Variants in ZSWIM6 observed in about 807,000 individuals in gnomAD.
The protein encoded by ZSWIM6 is zinc finger SWIM domain-containing protein 6.
ZSWIM6 carries 9 observed loss-of-function variants against 113.2 expected under a neutral mutation model. The ratio of observed to expected loss-of-function variants is 0.08; its 90% CI spans 0.05 to 0.14. ZSWIM6 has a LOEUF of 0.14. Among genes scored for constraint, ZSWIM6 ranks in the 10% least tolerant of loss-of-function variants. The pLI is 1.00. For missense variants in ZSWIM6, 1,162 were observed against 1,552.2 expected (o/e 0.75, Z 4.22); for synonymous variants, 611 against 606.5 (o/e 1.01, Z -0.11).
chr5:61,336,166 AG>A (rs1744389527), intron 1 of ZSWIM6, among the ~76,000 whole-genome samples: 1 of 152,128 alleles, frequency 6.6e-6, no homozygotes, highest in Non-Finnish European at 1.5e-5. Flanking sequence ...TGGGAGGCTG[AG>A]GTGGAAGGAT....
chr5:61,364,660 G>A (rs1174900161), intron 1 of ZSWIM6, among the ~76,000 whole-genome samples: 1 of 152,146 alleles, frequency 6.6e-6, no homozygotes, highest in Admixed American at 6.6e-5. Flanking sequence ...CCAAGATCAA[G>A]GTGCTGGCAA....
chr5:61,370,581 T>G (rs1267622199), intron 1 of ZSWIM6, among the ~76,000 whole-genome samples: 1 of 152,240 alleles, frequency 6.6e-6, no homozygotes, highest in African/African-American at 2.4e-5. Flanking sequence ...TGTTTCCAAG[T>G]TTTCATTTTA....
chr5:61,412,998 CTTT>C (rs1309615480), intron 1 of ZSWIM6, among the ~76,000 whole-genome samples: 9 of 148,630 alleles, frequency 6.1e-5, no homozygotes, highest in African/African-American at 2.2e-4. Context: ...TGTTTATTTT[CTTT>C]TTTTTTCCTT....
intron 1 of ZSWIM6, among the ~76,000 whole-genome samples, chr5:61,362,846 G>A (rs181793216): frequency 2.0e-5 from 3 of 152,302 alleles, no homozygotes; most frequent in Middle Eastern, 3.4e-3. Context: ...TGCTACCCCT[G>A]TAAAGTAAGA....
chr5:61,393,117 G>T (rs1372190318), intron 1 of ZSWIM6, among the ~76,000 whole-genome samples: 2 of 151,826 alleles, frequency 1.3e-5, no homozygotes, highest in Admixed American at 6.6e-5. Context: ...TTGGCTCACT[G>T]CAACCTCCGC....
chr5:61,414,175 G>A (rs932459487), intron 1 of ZSWIM6, among the ~76,000 whole-genome samples: 23 of 152,124 alleles, frequency 1.5e-4, no homozygotes, highest in African/African-American at 4.8e-4. Flanking sequence ...AAGAGTGGAA[G>A]CAAGGTGTTC....
intron 1 of ZSWIM6, among the ~76,000 whole-genome samples, chr5:61,429,429 A>G (rs1746533401): frequency 6.6e-6 from 1 of 152,140 alleles, no homozygotes; most frequent in African/African-American, 2.4e-5. Context: ...ATAAAGAGAA[A>G]ATTTAGGGGA....
intron 8 of ZSWIM6, among the ~76,000 whole-genome samples, chr5:61,530,692 T>G: frequency 6.6e-6 from 1 of 152,366 alleles, no homozygotes; most frequent in East Asian, 1.9e-4. Flanking sequence ...GAGATTTCAC[T>G]TTGGCCCATT....
intron 1 of ZSWIM6, chr5:61,375,913 A>G (rs1456899606): frequency 3.6e-5 from 26 of 728,918 alleles, no homozygotes; most frequent in Non-Finnish European, 5.2e-5. Context: ...GGAAATTTCA[A>G]CTGTGAAAAC....
intron 1 of ZSWIM6, among the ~76,000 whole-genome samples, chr5:61,338,443 C>A (rs1744452538): frequency 6.6e-6 from 1 of 152,120 alleles, no homozygotes; most frequent in Admixed American, 6.5e-5. Context: ...ATACACAATA[C>A]ATTTTGAAAC....
At chr5:61,501,514 G>A (rs1748466678) in intron 4 of ZSWIM6, among the ~76,000 whole-genome samples, 1 of 152,176 alleles carries the variant, frequency 6.6e-6, no homozygotes, top group Non-Finnish European at 1.5e-5. Context: ...CAGGTCATTT[G>A]ATCCTATTGT....
chr5:61,445,185 T>G (rs541945733), intron 1 of ZSWIM6, among the ~76,000 whole-genome samples: 1 of 152,320 alleles, frequency 6.6e-6, no homozygotes, highest in Non-Finnish European at 1.5e-5. Flanking sequence ...ATAGGTCCTG[T>G]GCCAAACTTA....
intron 1 of ZSWIM6, among the ~76,000 whole-genome samples, chr5:61,414,375 C>G (rs868601828): frequency 1.6e-4 from 25 of 152,052 alleles, no homozygotes; most frequent in Admixed American, 3.3e-4. Context: ...TTTATTGGAG[C>G]TGGGAATGAG....
intron 1 of ZSWIM6, among the ~76,000 whole-genome samples, chr5:61,471,437 G>C (rs1457256596): frequency 6.6e-6 from 1 of 151,910 alleles, no homozygotes; most frequent in Non-Finnish European, 1.5e-5. Context: ...GGACTACCTG[G>C]TGGGCACTGG....
intron 1 of ZSWIM6, among the ~76,000 whole-genome samples, chr5:61,390,286 CT>C (rs771102299): frequency 2.7e-4 from 41 of 152,168 alleles, no homozygotes; most frequent in Non-Finnish European, 4.4e-4. Flanking sequence ...TTAACCCATA[CT>C]TTTTAATCCT....
rs561703141 is a variant in ZSWIM6 at position 61,515,802 on chromosome 5, G to A, written c.1334-5461G>A. On this transcript the variant is annotated intron_variant, in intron 4 of 13. Coordinates refer to ENST00000252744, the MANE Select transcript of ZSWIM6 (RefSeq NM_020928.2). Reference sequence around the variant, plus strand: ...GTGGATTTGTCTGTTTCTCCTTTAAGCTCTGTCAGTTTTGCTTCCTGTATT... The same window carrying A: ...GTGGATTTGTCTGTTTCTCCTTTAAACTCTGTCAGTTTTGCTTCCTGTATT... Among the ~76,000 whole-genome samples, 3 of 152,236 alleles carry A rather than the reference G, an allele frequency of 2.0e-5. No individual in the cohort carries two copies. The South Asian group carries it at 6.2e-4, about 32-fold the overall frequency.
At chr5:61,423,322 C>A (rs1196757704) in intron 1 of ZSWIM6, among the ~76,000 whole-genome samples, 1 of 151,724 alleles carries the variant, frequency 6.6e-6, no homozygotes. Flanking sequence ...GCAGGAGAAT[C>A]GCTTGAACCT....
At chr5:61,469,665 C>A (rs996913851) in intron 1 of ZSWIM6, among the ~76,000 whole-genome samples, 1 of 152,034 alleles carries the variant, frequency 6.6e-6, no homozygotes, top group African/African-American at 2.4e-5. Flanking sequence ...TTTGCAGAAA[C>A]CATTTGAGGG....
intron 1 of ZSWIM6, among the ~76,000 whole-genome samples, chr5:61,334,630 AT>A (rs1561195551): frequency 1.3e-5 from 2 of 151,968 alleles, no homozygotes; most frequent in Non-Finnish European, 2.9e-5. Flanking sequence ...ATGGTCATTT[AT>A]TTCCAAAGGC....
Sources: gnomAD v4.1 joint callset for allele counts (sites outside exome capture counted in the v4.1 genomes callset) on GRCh38, gnomAD v4.1.1 for gene constraint, MANE v1.5 for transcripts, NCBI Gene and HGNC (gene_info 2026-07-23, HGNC 2026-07-21) for gene names.